The following REV3L variants were observed in gnomAD, a reference collection of about 807,000 sequenced individuals.
REV3L encodes DNA polymerase zeta catalytic subunit.
Under a neutral mutation model 299.4 loss-of-function variants are expected in REV3L, and 69 were observed. The observed-to-expected ratio is 0.23, with a 90% CI of 0.19 to 0.28. The LOEUF (loss-of-function observed/expected upper bound fraction) is 0.28. Ranked by LOEUF, REV3L falls within the 10% of genes least tolerant of loss-of-function variation. The pLI is 1.00. For missense variants in REV3L, 3,128 were observed against 3,693.8 expected (o/e 0.85, Z 3.97); for synonymous variants, 1,238 against 1,271.4 (o/e 0.97, Z 0.56).
intron 2 of REV3L, among the ~76,000 whole-genome samples, chr6:111,413,301 G>A (rs886924190): frequency 6.6e-6 from 1 of 152,110 alleles, no homozygotes; most frequent in Admixed American, 6.6e-5. Flanking sequence ...GAAAAAAGTA[G>A]AATGGAGGAG....
At chr6:111,304,223 C>G (rs1771999852) in intron 31 of REV3L, among the ~76,000 whole-genome samples, 1 of 148,512 alleles carries the variant, frequency 6.7e-6, no homozygotes. Flanking sequence ...CATTACATCT[C>G]TAGTAATTTC....
chr6:111,442,475 T>C (rs1788384117), intron 1 of REV3L, among the ~76,000 whole-genome samples: 1 of 152,228 alleles, frequency 6.6e-6, no homozygotes. Flanking sequence ...TCCTAGTGAC[T>C]TTTCCTTGCA....
At chr6:111,372,571 C>A in intron 13 of REV3L, 25 bp downstream of exon 13, 1 of 1,461,312 alleles carries the variant, frequency 6.8e-7, no homozygotes, top group African/African-American at 1.4e-5. Context: ...TTCAGAGTGA[C>A]CCAAGGGAAA....
Position 111,390,199 on chromosome 6 carries a change from A to G in REV3L, c.663-19T>C, listed in dbSNP as rs1229332106. On this transcript the variant is annotated intron_variant, in intron 5 of 31. Transcript: ENST00000368802. ...TAAAGAGCTGCAATTAAAGGATATAAAAAACATAATAATTATGTGAGAGCA... is the reference window on the plus strand; with the variant it reads ...TAAAGAGCTGCAATTAAAGGATATAGAAAACATAATAATTATGTGAGAGCA... The G allele has an allele frequency of 6.9e-7, 1 of 1,443,202 alleles. No homozygotes were observed. Among genetic ancestry groups the G allele is most frequent in the South Asian group, 1.2e-5 (1 of 86,954 alleles). The allele number at this position is 1,443,202 out of a possible 1,614,324, so 89.4% of individuals were successfully genotyped here.
In REV3L at chr6:111,372,820, A is replaced by G. The variant is rs1779936491; in HGVS notation, c.5535T>C (p.Asn1845=). The change falls in exon 13 of 32, where the codon AAT becomes AAC. Residue 1845 remains asparagine, a synonymous_variant. Transcript: ENST00000368802. ...TATCAGGAGTTGGTGTCAACATATC[A>G]TTGTTTCTTGAAACATACAGTTCTA... ...EDLELYVSRN[N]DMLTPTPDSS... 1.2e-6 allele frequency: 2 copies of G among 1,613,486 alleles called. No homozygotes were observed. Among genetic ancestry groups the G allele is most frequent in the East Asian group, 2.2e-5 (1 of 44,892 alleles).
chr6:111,360,006 G>A (rs1275243707), intron 16 of REV3L, among the ~76,000 whole-genome samples: 1 of 152,060 alleles, frequency 6.6e-6, no homozygotes, highest in African/African-American at 2.4e-5. Context: ...TTATCCTAGA[G>A]ACAGATACAC....
At chr6:111,308,077 T>G (rs1476928186) in intron 30 of REV3L, 1 of 313,002 alleles carries the variant, frequency 3.2e-6, no homozygotes, top group East Asian at 1.0e-4. Context: ...AGAATGATGG[T>G]TTCCAGCTTC....
At position 111,307,625 on chromosome 6, in the gene REV3L, T is replaced by C. The variant is rs56041728; in HGVS notation, c.9043-55A>G. 7.9e-6 allele frequency: 12 copies of C among 1,521,374 alleles called. No homozygotes were observed. In the African/African-American group the frequency reaches 1.2e-4, roughly 16 times the overall value. The allele number at this position is 1,521,374 out of a possible 1,614,324, so 94.2% of individuals were successfully genotyped here. A position where few individuals can be genotyped will look rare whatever the true frequency, so the allele number is the denominator to read the frequency against. On this transcript the variant is annotated intron_variant, in intron 30 of 31. Transcript: ENST00000368802. Reference sequence around the variant, plus strand: ...TGAGTCAGCTTCACAGCAAAGCTGCTATTTTCATGCTAATTACAGGTTTAC... The same window carrying C: ...TGAGTCAGCTTCACAGCAAAGCTGCCATTTTCATGCTAATTACAGGTTTAC...
chr6:111,481,390 T>TA (rs1793621834), intron 1 of REV3L, among the ~76,000 whole-genome samples: 1 of 152,228 alleles, frequency 6.6e-6, no homozygotes, highest in South Asian at 2.1e-4. Context: ...TTTCAAGTGT[T>TA]ACACTTTCAA....
intron 1 of REV3L, among the ~76,000 whole-genome samples, chr6:111,474,823 T>C (rs77510992): frequency 0.024 from 3,593 of 152,310 alleles, 59 homozygotes; most frequent in Admixed American, 0.063. Context: ...TGAATAGTAT[T>C]ACATGCACAT....
At chr6:111,315,201 C>A in intron 27 of REV3L, 66 bp downstream of exon 27, 1 of 1,271,532 alleles carries the variant, frequency 7.9e-7, no homozygotes, top group Non-Finnish European at 1.1e-6. Context: ...ATGTACTGAA[C>A]AAATCAGAGG....
At chr6:111,357,189 A>G in intron 17 of REV3L, 64 bp from the exon 18 acceptor site, 1 of 542,686 alleles carries the variant, frequency 1.8e-6, no homozygotes, top group Non-Finnish European at 2.9e-6. Flanking sequence ...TCATAATATA[A>G]AAGTAATATT....
chr6:111,402,419 C>G (rs1431335987), intron 4 of REV3L, among the ~76,000 whole-genome samples: 3 of 152,334 alleles, frequency 2.0e-5, no homozygotes, highest in Middle Eastern at 3.4e-3. Context: ...CCAGCATGGC[C>G]TTCCCAAAGA....
intron 1 of REV3L, among the ~76,000 whole-genome samples, chr6:111,474,055 GA>G (rs1041344109): frequency 2.0e-5 from 3 of 151,914 alleles, no homozygotes; most frequent in African/African-American, 7.2e-5. Context: ...AGTGCCTGGT[GA>G]AAAAAAATTA....
At chr6:111,361,412 A>ACC in intron 16 of REV3L, 1 of 140,554 alleles carries the variant, frequency 7.1e-6, no homozygotes, top group Non-Finnish European at 1.6e-5. Flanking sequence ...CAAAAAACAC[A>ACC]CACACACAAA....
At position 111,464,586 on chromosome 6, in the gene REV3L, C is replaced by T. The variant is rs530845663; in HGVS notation, c.139+18164G>A. 4.6e-5 allele frequency among the ~76,000 whole-genome samples: 7 copies of T among 151,916 alleles called. No individual in the cohort carries two copies. The South Asian group carries it at 1.5e-3, about 32-fold the overall frequency. On this transcript the variant is annotated intron_variant, in intron 1 of 31. Coordinates refer to ENST00000368802, the MANE Select transcript of REV3L (RefSeq NM_001372078.1). ...ATAAAAAGACAGACTTATATGCAGT[C>T]TAAGATATAAATGGAACTCTTAAGA...
chr6:111,388,543 C>T (rs1312903037), intron 7 of REV3L, among the ~76,000 whole-genome samples: 1 of 152,128 alleles, frequency 6.6e-6, no homozygotes, highest in African/African-American at 2.4e-5. Context: ...ATGTCGTTCA[C>T]TCTTTTACCT....
At chr6:111,385,198 A>G (rs6920014) in intron 9 of REV3L, among the ~76,000 whole-genome samples, 102,169 of 151,862 alleles carry the variant, frequency 0.67, 36,536 homozygotes, top group Non-Finnish European at 0.81. Flanking sequence ...AGCACAACAC[A>G]GTGACTACAG....
rs747822274 is a variant in REV3L, at chr6:111,381,462, T to TA, written c.1097-19dup. 14 of 1,585,234 alleles carry TA rather than the reference T, an allele frequency of 8.8e-6. No individual in the cohort carries two copies. Among genetic ancestry groups the TA allele is most frequent in the South Asian group, 2.3e-5 (2 of 86,172 alleles). Reference sequence around the variant, plus strand: ...AGTGTGACCTTAATTTGACAAAGAATAAAAAAAATTGAAGCAATGGCCTAA... The same window carrying TA: ...AGTGTGACCTTAATTTGACAAAGAATAAAAAAAAATTGAAGCAATGGCCTAA... On this transcript the variant is annotated intron_variant, in intron 9 of 31. Coordinates refer to ENST00000368802, the MANE Select transcript of REV3L (RefSeq NM_001372078.1).
Sources: allele counts gnomAD v4.1 joint callset (sites outside exome capture counted in the v4.1 genomes callset), GRCh38; gene constraint gnomAD v4.1.1; transcripts MANE v1.5; gene names NCBI Gene and HGNC (gene_info 2026-07-23, HGNC 2026-07-21).